USP37: variants seen among roughly 807,000 people sequenced by gnomAD.
USP37 encodes the protein ubiquitin carboxyl-terminal hydrolase 37.
In USP37, 27 loss-of-function variants were observed where a neutral mutation model predicts 124.0. That is an observed-to-expected ratio of 0.22 (90% CI 0.16 to 0.30). The LOEUF is 0.30. Ranked by LOEUF, USP37 falls within the 10% of genes least tolerant of loss-of-function variation. The probability of loss-of-function intolerance (pLI) is 1.00; values close to 1 mark genes in which losing one functional copy is unlikely to be tolerated. For missense variants in USP37, 889 were observed against 1,140.4 expected (o/e 0.78, Z 3.17); for synonymous variants, 365 against 388.0 (o/e 0.94, Z 0.70).
intron 8 of USP37, among the ~76,000 whole-genome samples, chr2:218,537,478 T>C (rs952908182): frequency 1.3e-5 from 2 of 152,172 alleles, no homozygotes; most frequent in Non-Finnish European, 1.5e-5. Context: ...AACCATCTAC[T>C]GACTACAGAG....
At chr2:218,459,700 AGTG>A (rs199821589) in intron 23 of USP37, 87 bp downstream of exon 23, 45,097 of 1,056,980 alleles carry the variant, frequency 0.043, 1,205 homozygotes, top group Non-Finnish European at 0.051. Flanking sequence ...ATGAACCTGC[AGTG>A]GACACTGAAA....
chr2:218,467,895 T>G (rs1214563848), intron 20 of USP37, among the ~76,000 whole-genome samples: 1 of 151,824 alleles, frequency 6.6e-6, no homozygotes, highest in Non-Finnish European at 1.5e-5. Context: ...TTTTTTGTTT[T>G]TTTTTTTTTT....
chr2:218,542,866 T>C (rs1692065999), intron 8 of USP37, among the ~76,000 whole-genome samples: 1 of 152,230 alleles, frequency 6.6e-6, no homozygotes, highest in African/African-American at 2.4e-5. Flanking sequence ...TCCCTTCAAC[T>C]AGACCTTGAA....
intron 19 of USP37, among the ~76,000 whole-genome samples, chr2:218,475,598 A>G (rs976535942): frequency 2.0e-5 from 3 of 152,156 alleles, no homozygotes; most frequent in Admixed American, 6.5e-5. Flanking sequence ...TTAGCCAGGC[A>G]TGGTGGCACG....
intron 10 of USP37, among the ~76,000 whole-genome samples, chr2:218,520,442 C>T (rs1331540309): frequency 6.6e-6 from 1 of 151,726 alleles, no homozygotes; most frequent in African/African-American, 2.4e-5. Context: ...CTCCACCTCC[C>T]AGGTTCAAGC....
chr2:218,544,426 TATATAGAGAG>T (rs1253963670), intron 8 of USP37, among the ~76,000 whole-genome samples: 2,318 of 47,632 alleles, frequency 0.049, 48 homozygotes, highest in Non-Finnish European at 0.059. Context: ...TATATATATA[TATATAGAGAG>T]AGAGAGAGAG....
chr2:218,522,024 G>A (rs144863171), intron 10 of USP37, among the ~76,000 whole-genome samples: 121 of 147,754 alleles, frequency 8.2e-4, no homozygotes, highest in African/African-American at 2.6e-3. Flanking sequence ...ACAAGTCCAT[G>A]CCACCACACG....
intron 4 of USP37, among the ~76,000 whole-genome samples, chr2:218,557,202 T>C (rs1693039070): frequency 1.3e-5 from 2 of 152,176 alleles, no homozygotes; most frequent in Non-Finnish European, 1.5e-5. Flanking sequence ...CAGTAACCTG[T>C]ACATGGTTTT....
intron 10 of USP37, among the ~76,000 whole-genome samples, chr2:218,522,369 C>A (rs937176392): frequency 6.6e-6 from 1 of 151,450 alleles, no homozygotes; most frequent in African/African-American, 2.4e-5. Context: ...TTGAAACCAG[C>A]CTGGCCAACA....
At chr2:218,501,662 A>G (rs1041262582) in intron 11 of USP37, among the ~76,000 whole-genome samples, 26 of 152,220 alleles carry the variant, frequency 1.7e-4, no homozygotes, top group African/African-American at 6.3e-4. Context: ...GGGAGCACCC[A>G]AACAGAGCCT....
At chr2:218,485,077 G>A (rs1016789195) in intron 16 of USP37, among the ~76,000 whole-genome samples, 5 of 152,130 alleles carry the variant, frequency 3.3e-5, no homozygotes, top group Non-Finnish European at 7.3e-5. Context: ...ATATACATGT[G>A]TGTATGTGTC....
chr2:218,468,562 C>G (rs1690498129), intron 20 of USP37, among the ~76,000 whole-genome samples: 2 of 152,080 alleles, frequency 1.3e-5, no homozygotes, highest in Admixed American at 1.3e-4. Flanking sequence ...TTAACTATAT[C>G]AAACATTACT....
chr2:218,550,326 G>T (rs545873671), intron 5 of USP37, among the ~76,000 whole-genome samples: 2 of 152,140 alleles, frequency 1.3e-5, no homozygotes, highest in South Asian at 4.1e-4. Context: ...TTCTCTACAG[G>T]TAAGTTTATC....
chr2:218,498,059 G>A lies in USP37; in HGVS notation c.1124C>T (p.Pro375Leu). The change falls in exon 12 of 26, where the codon CCA becomes CTA. Residue 375 changes from proline to leucine, a missense_variant. By Grantham distance (98) the Pro-to-Leu change is moderately conservative. This residue lies in a region of USP37 where 504 missense variants were observed against 714.3 expected (regional missense o/e 0.71). Coordinates refer to ENST00000258399, the MANE Select transcript of USP37 (RefSeq NM_020935.3). ...FANDLLKQGI[P>L]WKKIPLNALI... The stretch of plus-strand genomic sequence containing the variant: ...TGCATTGAGTGGAATTTTCTTCCAT[G>A]GGATACCTTGTTTAAGCAAGTCATT... 6.2e-7 allele frequency: 1 copy of A among 1,611,480 alleles called. No individual in the cohort carries two copies. The highest frequency in any genetic ancestry group is 8.5e-7 in the Non-Finnish European group (1 of 1,179,204).
At chr2:218,509,217 C>T (rs1332392769) in intron 11 of USP37, among the ~76,000 whole-genome samples, 1 of 152,078 alleles carries the variant, frequency 6.6e-6, no homozygotes, top group Non-Finnish European at 1.5e-5. Context: ...AACAGAGAAG[C>T]AATATAGCAT....
At chr2:218,513,845 T>C (rs1369696369) in intron 10 of USP37, among the ~76,000 whole-genome samples, 4 of 152,240 alleles carry the variant, frequency 2.6e-5, no homozygotes, top group Non-Finnish European at 5.9e-5. Context: ...GGTCTCACTC[T>C]GTTGCTCAGG....
At chr2:218,542,214 A>T (rs1054775570) in intron 8 of USP37, among the ~76,000 whole-genome samples, 1 of 152,146 alleles carries the variant, frequency 6.6e-6, no homozygotes, top group Non-Finnish European at 1.5e-5. Flanking sequence ...TTTAAATGTC[A>T]TTTGCACAAG....
At chr2:218,513,546 TCC>T (rs1690116650) in intron 10 of USP37, among the ~76,000 whole-genome samples, 1 of 152,152 alleles carries the variant, frequency 6.6e-6, no homozygotes, top group African/African-American at 2.4e-5. Context: ...TATCCCTTCC[TCC>T]CACTCCTCTC....
At chr2:218,529,477 CAAAA>C (rs71403049) in intron 10 of USP37, among the ~76,000 whole-genome samples, 1 of 112,474 alleles carries the variant, frequency 8.9e-6, no homozygotes, top group South Asian at 3.2e-4. Flanking sequence ...TGGTCTCAAA[CAAAA>C]AAAAAAAAAA....
Sources: gnomAD v4.1 joint callset for allele counts (sites outside exome capture counted in the v4.1 genomes callset) on GRCh38, gnomAD v4.1.1 for gene constraint, gnomAD v4.1.1 regional missense constraint, MANE v1.5 for transcripts, NCBI Gene and HGNC (gene_info 2026-07-23, HGNC 2026-07-21) for gene names.